Variants in ROBO4 observed in about 807,000 individuals in gnomAD.
ROBO4 encodes roundabout homolog 4.
In ROBO4, 80 loss-of-function variants were observed where a neutral mutation model predicts 103.3. That is an observed-to-expected ratio of 0.77 (90% CI 0.65 to 0.93). The LOEUF (loss-of-function observed/expected upper bound fraction) is 0.93. ROBO4 is among the 40% of genes least tolerant of loss of function. The probability of loss-of-function intolerance (pLI) is 0.00; values close to 1 mark genes in which losing one functional copy is unlikely to be tolerated. For missense variants in ROBO4, 1,333 were observed against 1,305.3 expected (o/e 1.02, Z -0.33); for synonymous variants, 504 against 529.7 (o/e 0.95, Z 0.67).
In ROBO4 at chr11:124,895,551, G is replaced by C; in HGVS notation, c.942C>G (p.His314Gln). Residue 314 changes from histidine to glutamine, a missense_variant, in exon 6 of 18, where the codon CAC (histidine) becomes CAG (glutamine). Coordinates refer to ENST00000306534, the MANE Select transcript of ROBO4 (RefSeq NM_019055.6). The stretch of plus-strand genomic sequence containing the variant: ...CTTTGAACTCGTAGTCTTGGCCCCA[G>C]TGGAGGCCTCCAAGCTCTGCGCTCT... The part of the protein sequence containing the change: ...GWQSAELGGL[H>Q]WGQDYEFKVR... 1 of 1,612,796 alleles carries C rather than the reference G, an allele frequency of 6.2e-7. No individual in the cohort carries two copies. The highest frequency in any genetic ancestry group is 8.5e-7 in the Non-Finnish European group (1 of 1,180,016).
chr11:124,887,311 A>G (rs1170573343), intron 14 of ROBO4, 47 bp downstream of exon 14: 1 of 1,612,042 alleles, frequency 6.2e-7, no homozygotes, highest in South Asian at 1.1e-5. Flanking sequence ...CACACTCCCC[A>G]CACCCCCACT....
Position 124,893,699 on chromosome 11 carries a change from G to T in ROBO4, c.1536C>A (p.Ile512=), listed in dbSNP as rs764290380. 2 of 1,613,956 alleles carry T rather than the reference G, an allele frequency of 1.2e-6. No individual in the cohort carries two copies. The highest frequency in any genetic ancestry group is 4.5e-5 in the East Asian group (2 of 44,862). The change falls in exon 10 of 18, where the codon ATC becomes ATA. Residue 512 remains isoleucine (I), a synonymous_variant. Transcript: ENST00000306534. Reference sequence around the variant, plus strand: ...CTTTCACCTCTCACCTGTGTTTTAGGATGGCATCCTCACTGGTATATCTGT... The same window carrying T: ...CTTTCACCTCTCACCTGTGTTTTAGTATGGCATCCTCACTGGTATATCTGT... ...GLYRYTSEDA[I]LKHRMDHSDS...
intron 16 of ROBO4, among the ~76,000 whole-genome samples, 158 bp from the exon 17 acceptor site, chr11:124,885,405 G>A (rs1946696337): frequency 6.6e-6 from 1 of 152,128 alleles, no homozygotes; most frequent in Admixed American, 6.5e-5. Flanking sequence ...ACATCCCCAG[G>A]GGCCCGATCC....
In ROBO4 at chr11:124,897,713, G is replaced by A; in HGVS notation, c.70+13C>T. Reference sequence around the variant, plus strand: ...ATGGAGGAGCATGGGCCAGGAGAGGGAGAGCAACTCACCCATGATGAGCAG... The same window carrying A: ...ATGGAGGAGCATGGGCCAGGAGAGGAAGAGCAACTCACCCATGATGAGCAG... On this transcript the variant is annotated intron_variant, in intron 1 of 17. Transcript: ENST00000306534. 2 of 1,613,478 alleles carry A rather than the reference G, an allele frequency of 1.2e-6. No homozygotes were observed. Among genetic ancestry groups the A allele is most frequent in the Middle Eastern group, 1.7e-4 (1 of 6,060 alleles).
Position 124,886,712 on chromosome 11 carries a change from A to AC in ROBO4, c.2545dup (p.Val849GlyfsTer34). 1 of 1,605,608 alleles carries AC rather than the reference A, an allele frequency of 6.2e-7. No homozygotes were observed. The highest frequency in any genetic ancestry group is 8.5e-7 in the Non-Finnish European group (1 of 1,174,156). Reference sequence around the variant, plus strand: ...CAGCAAGACTCCCCCCTTGGGCCCCACCCCTCCTCCAGTCCTGCCCATGTC... The same window carrying AC: ...CAGCAAGACTCCCCCCTTGGGCCCCACCCCCTCCTCCAGTCCTGCCCATGTC... On this transcript the variant is annotated frameshift_variant, in exon 16 of 18. Transcript: ENST00000306534. LOFTEE classifies it high-confidence loss of function.
In ROBO4 at chr11:124,891,390, G is replaced by C; in HGVS notation, c.1857C>G (p.Ser619=). The part of the protein sequence containing the change: ...PQLAQLSSPC[S]SSDSLCSRRG... ...TGCGGCTGCAGAGGCTGTCTGAGCT[G>C]GAACAGGGGCTGGAGAGCTGGGCCA... Residue 619 remains serine (S), a synonymous_variant, in exon 12 of 18, where the codon TCC becomes TCG. Transcript: ENST00000306534. 1 of 1,571,188 alleles carries C rather than the reference G, an allele frequency of 6.4e-7. No individual in the cohort carries two copies. The highest frequency in any genetic ancestry group is 2.2e-5 in the East Asian group (1 of 44,538).
chr11:124,885,161 A>G lies in ROBO4; in HGVS notation c.2881T>C (p.Leu961=), dbSNP rs1419629898. 3 of 1,613,968 alleles carry G rather than the reference A, an allele frequency of 1.9e-6. No homozygotes were observed. The highest frequency in any genetic ancestry group is 1.7e-6 in the Non-Finnish European group (2 of 1,180,002). Residue 961 remains leucine (L), a synonymous_variant, in exon 17 of 18, where the codon TTG becomes CTG. Coordinates refer to ENST00000306534, the MANE Select transcript of ROBO4 (RefSeq NM_019055.6). The part of the protein sequence containing the change: ...LPLWEWRPDW[L]EDMEVSHTQR... Reference sequence around the variant, plus strand: ...GTGTGGCTGACCTCCATGTCTTCCAACCAGTCTGGCCTCCACTCCCACAGG... The same window carrying G: ...GTGTGGCTGACCTCCATGTCTTCCAGCCAGTCTGGCCTCCACTCCCACAGG...
Position 124,884,721 on chromosome 11 carries a change from T to G in ROBO4, c.*170A>C, listed in dbSNP as rs1041078835. ...CTCCAGGTCAGCTTTGCTCTAATTT[T>G]GTTTTCATTTGTTTTCACAATCGTG... On this transcript the variant is annotated 3_prime_UTR_variant, in exon 18 of 18. Transcript: ENST00000306534. The G allele has an allele frequency of 5.3e-6, 4 of 752,398 alleles. No individual in the cohort carries two copies. The highest frequency in any genetic ancestry group is 6.8e-6 in the Non-Finnish European group (3 of 441,108). 46.6% of individuals were successfully genotyped at this position (752,398 alleles called of 1,614,324 possible).
chr11:124,895,802 C>A lies in ROBO4; in HGVS notation c.790G>T (p.Val264Leu). 1 of 1,614,190 alleles carries A rather than the reference C, an allele frequency of 6.2e-7. No homozygotes were observed. The highest frequency in any genetic ancestry group is 1.1e-5 in the South Asian group (1 of 91,092). ...PAEGPKPRPAVWLSWKVSGPA... is the reference protein window; with the variant it reads ...PAEGPKPRPALWLSWKVSGPA... ...GTCCTCACCTTCCAGCTGAGCCACA[C>A]CGCCGGTCTAGGCTTGGGGCCCTCT... The change falls in exon 5 of 18, where the codon GTG (valine) becomes TTG (leucine). Residue 264 changes from valine (V) to leucine (L), a missense_variant. Val to Leu is a conservative substitution (Grantham distance 32, BLOSUM62 1). Transcript: ENST00000306534.
Position 124,886,616 on chromosome 11 carries a change from G to A in ROBO4, c.2642C>T (p.Ser881Phe). ...TCTGGCGCTGGCGGCATTGTCCTCA[G>A]AGGCTGAGCCCCAACCATTGGCTAA... ...GSLANGWGSA[S>F]EDNAASARAS... The change falls in exon 16 of 18, where the codon TCT (serine) becomes TTT (phenylalanine). Residue 881 changes from serine to phenylalanine, a missense_variant. Transcript: ENST00000306534. The A allele has an allele frequency of 6.2e-7, 1 of 1,614,186 alleles. No homozygotes were observed. Among genetic ancestry groups the A allele is most frequent in the Non-Finnish European group, 8.5e-7 (1 of 1,180,010 alleles).
chr11:124,891,206 C>A lies in ROBO4; in HGVS notation c.1948+93G>T, dbSNP rs572879654. The A allele has an allele frequency of 9.2e-6, 13 of 1,413,110 alleles. No individual in the cohort carries two copies. The South Asian group carries it at 1.6e-4, about 17-fold the overall frequency. 87.5% of individuals were successfully genotyped at this position (1,413,110 alleles called of 1,614,324 possible). A position where few individuals can be genotyped will look rare whatever the true frequency, so the allele number is the denominator to read the frequency against. The stretch of plus-strand genomic sequence containing the variant: ...GAAGGAGGGTGTGGAGGTTGCACGC[C>A]CCTCCAGGCTTTGAGGCCTTGTTCC... On this transcript the variant is annotated intron_variant, in intron 12 of 17. Coordinates refer to ENST00000306534, the MANE Select transcript of ROBO4 (RefSeq NM_019055.6).
rs192892799 is a variant in ROBO4 at position 124,891,761 on chromosome 11, C to T, written c.1589G>A (p.Arg530His). 51 of 1,614,166 alleles carry T rather than the reference C, an allele frequency of 3.2e-5. No individual in the cohort carries two copies. The East Asian group carries it at 8.5e-4, about 27-fold the overall frequency. The change falls in exon 11 of 18, where the codon CGT becomes CAT. Residue 530 changes from arginine to histidine, a missense_variant. By Grantham distance (29) the Arg-to-His change is conservative. Coordinates refer to ENST00000306534, the MANE Select transcript of ROBO4 (RefSeq NM_019055.6). ...CAGGTCCCGAGAGCCAGAGGTGGAACGCCAAGTGTCTGCCAACCACTGGGA... is the reference window on the plus strand; with the variant it reads ...CAGGTCCCGAGAGCCAGAGGTGGAATGCCAAGTGTCTGCCAACCACTGGGA... The part of the protein sequence containing the change: ...SDSQWLADTW[R>H]STSGSRDLSS...
chr11:124,890,228 C>T (rs1439468411), intron 12 of ROBO4, among the ~76,000 whole-genome samples: 1 of 152,174 alleles, frequency 6.6e-6, no homozygotes, highest in Admixed American at 6.5e-5. Flanking sequence ...AGAATGCCAG[C>T]TTCGCTGATA....
chr11:124,884,838 G>C lies in ROBO4; in HGVS notation c.*53C>G. The C allele has an allele frequency of 1.2e-6, 2 of 1,606,530 alleles. No individual in the cohort carries two copies. The highest frequency in any genetic ancestry group is 1.7e-6 in the Non-Finnish European group (2 of 1,173,062). ...ACACACCACAGCCCAGGTCTTGTGG[G>C]TGGACAGGAGAAGTGGTTCTGATTC... On this transcript the variant is annotated 3_prime_UTR_variant, in exon 18 of 18. Coordinates refer to ENST00000306534, the MANE Select transcript of ROBO4 (RefSeq NM_019055.6).
chr11:124,896,626 C>A lies in ROBO4; in HGVS notation c.445G>T (p.Val149Leu), dbSNP rs1367106820. 6.2e-7 allele frequency: 1 copy of A among 1,614,192 alleles called. No individual in the cohort carries two copies. Among genetic ancestry groups the A allele is most frequent in the Non-Finnish European group, 8.5e-7 (1 of 1,180,020 alleles). ...FQIQPRDMVA[V>L]VGEQFTLECG... is the part of the protein sequence containing the mutation. ...TCCAGAGTAAACTGCTCACCCACCA[C>A]AGCCACCATGTCCCGAGGCTGGATC... Residue 149 changes from valine to leucine, a missense_variant, in exon 3 of 18, where the codon GTG (valine) becomes TTG (leucine). Transcript: ENST00000306534.
chr11:124,896,408 C>T, intron 3 of ROBO4, 90 bp from the exon 4 acceptor site: 1 of 1,593,354 alleles, frequency 6.3e-7, no homozygotes, highest in African/African-American at 1.3e-5. Context: ...CTCCCCTCCT[C>T]AAATTCTACC....
intron 14 of ROBO4, 64 bp downstream of exon 14, chr11:124,887,294 C>T: frequency 1.2e-6 from 2 of 1,609,416 alleles, no homozygotes; most frequent in Non-Finnish European, 8.5e-7. Context: ...CCTGTCCAAT[C>T]CCGGCACACA....
chr11:124,895,696 G>T lies in ROBO4; in HGVS notation c.808-11C>A. The T allele has an allele frequency of 6.2e-7, 1 of 1,611,718 alleles. No homozygotes were observed. The highest frequency in any genetic ancestry group is 8.5e-7 in the Non-Finnish European group (1 of 1,178,060). ...AGCAGGGCCACTGACCTGGGAAGGAGTTTCGAGGAAGGGCGGGGGGTCAGA... is the reference window on the plus strand; with the variant it reads ...AGCAGGGCCACTGACCTGGGAAGGATTTTCGAGGAAGGGCGGGGGGTCAGA... On this transcript the variant is annotated splice_polypyrimidine_tract_variant and intron_variant, in intron 5 of 17. Coordinates refer to ENST00000306534, the MANE Select transcript of ROBO4 (RefSeq NM_019055.6).
chr11:124,884,462 G>T lies in ROBO4; in HGVS notation c.*429C>A, dbSNP rs1591528201. 4.6e-6 allele frequency: 1 copy of T among 219,092 alleles called. No homozygotes were observed. The highest frequency in any genetic ancestry group is 9.1e-6 in the Non-Finnish European group (1 of 110,180). The allele number at this position is 219,092 out of a possible 1,614,324, so 13.6% of individuals were successfully genotyped here. On this transcript the variant is annotated 3_prime_UTR_variant, in exon 18 of 18. Coordinates refer to ENST00000306534, the MANE Select transcript of ROBO4 (RefSeq NM_019055.6). ...TTCTCTAGAGGAGGGGCCCAGGTAA[G>T]GCTGAGAGGGGGCTCCGAGAAGCTC...
Sources: allele counts gnomAD v4.1 joint callset (sites outside exome capture counted in the v4.1 genomes callset), GRCh38; gene constraint gnomAD v4.1.1; transcripts MANE v1.5; gene names NCBI Gene and HGNC (gene_info 2026-07-23, HGNC 2026-07-21).